The following KCNC1 variants were observed in gnomAD, a reference collection of about 807,000 sequenced individuals.
KCNC1 encodes the protein voltage-gated potassium channel KCNC1.
In KCNC1, 8 loss-of-function variants were observed where a neutral mutation model predicts 43.4. That is an observed-to-expected ratio of 0.18 (90% CI 0.11 to 0.33). The LOEUF is 0.33. Ranked by LOEUF, KCNC1 falls within the 10% of genes least tolerant of loss-of-function variation. The probability of loss-of-function intolerance (pLI) is 1.00; values close to 1 mark genes in which losing one functional copy is unlikely to be tolerated. For synonymous variants in KCNC1, 361 were observed against 360.5 expected (o/e 1.00, Z -0.01); for missense variants, 420 against 836.0 (o/e 0.50, Z 6.14).
intron 1 of KCNC1, among the ~76,000 whole-genome samples, chr11:17,752,594 C>A (rs1848981293): frequency 6.6e-6 from 1 of 152,224 alleles, no homozygotes; most frequent in Non-Finnish European, 1.5e-5. Context: ...TTTATTTACT[C>A]AGTCATTCAA....
chr11:17,760,330 G>A (rs767014174), intron 1 of KCNC1, among the ~76,000 whole-genome samples: 25 of 152,292 alleles, frequency 1.6e-4, no homozygotes, highest in South Asian at 1.5e-3. Context: ...ACACCTGCTT[G>A]TTCTAAGCCC....
At chr11:17,760,755 G>A (rs1037739456) in intron 1 of KCNC1, among the ~76,000 whole-genome samples, 4 of 152,302 alleles carry the variant, frequency 2.6e-5, no homozygotes, top group East Asian at 3.9e-4. Flanking sequence ...CGTTGTTCCC[G>A]AGGACAGTGA....
rs1293834123 is a variant in KCNC1 at position 17,776,438 on chromosome 11, A to G, written c.1505-3018A>G. 1 of 985,414 alleles carries G rather than the reference A, an allele frequency of 1.0e-6. No individual in the cohort carries two copies. Among genetic ancestry groups the G allele is most frequent in the Non-Finnish European group, 1.2e-6 (1 of 829,934 alleles). The allele number at this position is 985,414 out of a possible 1,614,324, so 61.0% of individuals were successfully genotyped here. On this transcript the variant is annotated intron_variant, in intron 2 of 3. Coordinates refer to ENST00000265969, the MANE Select transcript of KCNC1 (RefSeq NM_001112741.2). The surrounding 1 kb of genome is among the most constrained non-coding windows in gnomAD (Gnocchi z 4.4). The stretch of plus-strand genomic sequence containing the variant: ...GTGCCCGCAGCTGGTGTGAACAGTA[A>G]GTACTTTGGCGGTGCCTGGAGACCA...
At chr11:17,763,123 T>A (rs1849097120) in intron 1 of KCNC1, among the ~76,000 whole-genome samples, 1 of 152,116 alleles carries the variant, frequency 6.6e-6, no homozygotes, top group African/African-American at 2.4e-5. Context: ...AGAGAATGAA[T>A]TCAGTGAGGT....
In KCNC1 at chr11:17,773,801, AT is replaced by A. The variant is rs1849257104; in HGVS notation, c.1504+1204del. The A allele has an allele frequency of 5.1e-6, 5 of 985,568 alleles. No individual in the cohort carries two copies. The highest frequency in any genetic ancestry group is 6.0e-6 in the Non-Finnish European group (5 of 829,990). 61.1% of individuals were successfully genotyped at this position (985,568 alleles called of 1,614,324 possible). A position where few individuals can be genotyped will look rare whatever the true frequency, so the allele number is the denominator to read the frequency against. On this transcript the variant is annotated intron_variant, in intron 2 of 3. Transcript: ENST00000265969. The surrounding 1 kb of genome is among the most constrained non-coding windows in gnomAD (Gnocchi z 4.1). ...AAAGGAACAGATGACCCAGAGAAGAATGACAGCACTGAGTAAGAAGGAGTGC... is the reference window on the plus strand; with the variant it reads ...AAAGGAACAGATGACCCAGAGAAGAAGACAGCACTGAGTAAGAAGGAGTGC...
At chr11:17,753,457 G>A (rs1285262578) in intron 1 of KCNC1, among the ~76,000 whole-genome samples, 1 of 152,226 alleles carries the variant, frequency 6.6e-6, no homozygotes, top group Non-Finnish European at 1.5e-5. Flanking sequence ...TGGCTGGGCT[G>A]TCAGTCAGGC....
chr11:17,739,168 G>A lies in KCNC1; in HGVS notation c.570+2596G>A, dbSNP rs960018930. ...ACCTTTGTTTACCCCTCCCCCACACGGGGCCCCGAGACTCCTCACACCAGC... is the reference window on the plus strand; with the variant it reads ...ACCTTTGTTTACCCCTCCCCCACACAGGGCCCCGAGACTCCTCACACCAGC... On this transcript the variant is annotated intron_variant, in intron 1 of 3. Transcript: ENST00000265969. The surrounding 1 kb of genome is among the most constrained non-coding windows in gnomAD (Gnocchi z 4.2). 1.3e-5 allele frequency among the ~76,000 whole-genome samples: 2 copies of A among 151,552 alleles called. No homozygotes were observed. Among genetic ancestry groups the A allele is most frequent in the African/African-American group, 4.9e-5 (2 of 41,174 alleles).
At position 17,756,582 on chromosome 11, in the gene KCNC1, C is replaced by T. The variant is rs1346145022; in HGVS notation, c.571-15083C>T. ...ACGCATGTACATTGGGAGTCAGGAC[C>T]CCTGACTCGATACAAACACACAAGT... On this transcript the variant is annotated intron_variant, in intron 1 of 3. Coordinates refer to ENST00000265969, the MANE Select transcript of KCNC1 (RefSeq NM_001112741.2). 2.0e-5 allele frequency among the ~76,000 whole-genome samples: 3 copies of T among 151,684 alleles called. No individual in the cohort carries two copies. The East Asian group carries it at 5.8e-4, about 29-fold the overall frequency.
chr11:17,770,417 G>A (rs1849211527), intron 1 of KCNC1, among the ~76,000 whole-genome samples: 1 of 152,228 alleles, frequency 6.6e-6, no homozygotes, highest in Non-Finnish European at 1.5e-5. Context: ...AGAGAGGGCT[G>A]ACTGGCAGGG....
chr11:17,772,415 A>G lies in KCNC1; in HGVS notation c.1321A>G (p.Met441Val). 1.2e-6 allele frequency: 2 copies of G among 1,614,190 alleles called. No individual in the cohort carries two copies. Among genetic ancestry groups the G allele is most frequent in the Non-Finnish European group, 1.7e-6 (2 of 1,180,038 alleles). The change falls in exon 2 of 4, where the codon ATG becomes GTG. Residue 441 changes from methionine (M) to valine (V), a missense_variant. Met to Val is a conservative substitution (Grantham distance 21, BLOSUM62 1). Around this residue, in one of 5 missense-constraint regions of KCNC1, gnomAD observed 58 missense variants for 256.9 expected, o/e 0.23. Coordinates refer to ENST00000265969, the MANE Select transcript of KCNC1 (RefSeq NM_001112741.2). ...GCCCGTCATCGTGAACAATTTCGGG[A>G]TGTATTACTCCTTAGCCATGGCTAA... Reference protein sequence around the residue: ...PVPVIVNNFGMYYSLAMAKQK... With the variant: ...PVPVIVNNFGVYYSLAMAKQK...
chr11:17,746,440 G>A (rs761761607), intron 1 of KCNC1, among the ~76,000 whole-genome samples: 4 of 152,010 alleles, frequency 2.6e-5, no homozygotes, highest in Non-Finnish European at 4.4e-5. Context: ...GGTCCAGCCC[G>A]ACCCCCGAGT....
At chr11:17,755,718 G>A (rs1009758266) in intron 1 of KCNC1, among the ~76,000 whole-genome samples, 3 of 152,182 alleles carry the variant, frequency 2.0e-5, no homozygotes. Context: ...TTGACGTGTT[G>A]AGTTTGAAAG....
intron 1 of KCNC1, among the ~76,000 whole-genome samples, chr11:17,759,928 G>T (rs1256568668): frequency 1.3e-5 from 2 of 152,064 alleles, no homozygotes; most frequent in African/African-American, 4.8e-5. Context: ...AACTTGAATT[G>T]GAAAAAAAAT....
At position 17,773,365 on chromosome 11, in the gene KCNC1, G is replaced by C; in HGVS notation, c.1504+767G>C. On this transcript the variant is annotated intron_variant, in intron 2 of 3. Transcript: ENST00000265969. The surrounding 1 kb of genome is among the most constrained non-coding windows in gnomAD (Gnocchi z 4.1). ...GGTTGATGGTCGAGTGGGAGTTTCC[G>C]GTGACCCGATGGAAGCGGCTGCCGA... The C allele has an allele frequency of 1.0e-6, 1 of 985,362 alleles. No individual in the cohort carries two copies. The highest frequency in any genetic ancestry group is 5.2e-4 in the Middle Eastern group (1 of 1,916). The allele number at this position is 985,362 out of a possible 1,614,324, so 61.0% of individuals were successfully genotyped here.
intron 1 of KCNC1, among the ~76,000 whole-genome samples, chr11:17,758,091 G>A (rs1220256874): frequency 6.6e-6 from 1 of 152,196 alleles, no homozygotes; most frequent in Non-Finnish European, 1.5e-5. Flanking sequence ...AAACCCTGCT[G>A]CTGCTTTATC....
Position 17,777,448 on chromosome 11 carries a change from G to T in KCNC1, c.1505-2008G>T, listed in dbSNP as rs930895575. 3 of 985,748 alleles carry T rather than the reference G, an allele frequency of 3.0e-6. No individual in the cohort carries two copies. Among genetic ancestry groups the T allele is most frequent in the African/African-American group, 1.7e-5 (1 of 57,202 alleles). The allele number at this position is 985,748 out of a possible 1,614,324, so 61.1% of individuals were successfully genotyped here. On this transcript the variant is annotated intron_variant, in intron 2 of 3. Coordinates refer to ENST00000265969, the MANE Select transcript of KCNC1 (RefSeq NM_001112741.2). This position sits in a 1 kb window ranked among gnomAD's most constrained non-coding sequence, Gnocchi z 4.3. ...GGCCTCAACCCCCACATCGTCATCC[G>T]CGTCCTCTCCATACTGTTTCCCTCC... is the stretch of plus-strand genomic sequence containing the variant.
Position 17,777,057 on chromosome 11 carries a change from G to T in KCNC1, c.1505-2399G>T. On this transcript the variant is annotated intron_variant, in intron 2 of 3. Transcript: ENST00000265969. The surrounding 1 kb of genome is among the most constrained non-coding windows in gnomAD (Gnocchi z 4.3). ...GGTGCCAGGCTATCATCCCTCCAGGGATCCCTGATGGATGTTCCTTGTCCC... is the reference window on the plus strand; with the variant it reads ...GGTGCCAGGCTATCATCCCTCCAGGTATCCCTGATGGATGTTCCTTGTCCC... 3 of 985,250 alleles carry T rather than the reference G, an allele frequency of 3.0e-6. No homozygotes were observed. The highest frequency in any genetic ancestry group is 3.6e-6 in the Non-Finnish European group (3 of 829,914). The allele number at this position is 985,250 out of a possible 1,614,324, so 61.0% of individuals were successfully genotyped here.
rs114815696 is a variant in KCNC1, at chr11:17,772,006, G to A, written c.912G>A (p.Lys304=). The change falls in exon 2 of 4, where the codon AAG becomes AAA. Residue 304 remains lysine, a synonymous_variant. Coordinates refer to ENST00000265969, the MANE Select transcript of KCNC1 (RefSeq NM_001112741.2). ...GCGGCCTGTCCTCCAAGGCAGCCAA[G>A]GACGTGCTGGGCTTCCTGCGCGTCG... ...GLSGLSSKAA[K]DVLGFLRVVR... 6.3e-5 allele frequency: 101 copies of A among 1,613,998 alleles called. No homozygotes were observed. The African/African-American group carries it at 1.2e-3, about 20-fold the overall frequency.
intron 1 of KCNC1, among the ~76,000 whole-genome samples, chr11:17,746,513 C>T (rs1235587653): frequency 6.6e-6 from 1 of 152,150 alleles, no homozygotes; most frequent in Admixed American, 6.5e-5. Flanking sequence ...ACCTCTCCTT[C>T]CCCATCTCCT....
Sources: gnomAD v4.1 joint callset for allele counts (sites outside exome capture counted in the v4.1 genomes callset) on GRCh38, gnomAD v4.1.1 for gene constraint, gnomAD v4.1.1 regional missense constraint, Gnocchi (gnomAD v3.1) non-coding constraint, MANE v1.5 for transcripts, NCBI Gene and HGNC (gene_info 2026-07-23, HGNC 2026-07-21) for gene names.